LRMDA: variants seen among roughly 807,000 people sequenced by gnomAD.
LRMDA encodes the protein leucine-rich melanocyte differentiation-associated protein.
A neutral mutation model predicts 29.8 loss-of-function variants in LRMDA; 18 were observed. The ratio of observed to expected loss-of-function variants is 0.60; its 90% CI spans 0.42 to 0.90. The LOEUF is 0.90. LRMDA is among the 40% of genes least tolerant of loss of function. The pLI, the probability that LRMDA is intolerant of heterozygous loss-of-function variation, is 0.00. For synonymous variants in LRMDA, 125 were observed against 109.4 expected, an observed-to-expected ratio of 1.14 and a Z score of -0.89; for missense variants, 273 against 273.9, an observed-to-expected ratio of 1.00 and a Z score of 0.02.
intron 2 of LRMDA, among the ~76,000 whole-genome samples, chr10:75,694,623 G>A (rs907135881): frequency 1.3e-5 from 2 of 152,092 alleles, no homozygotes; most frequent in African/African-American, 4.8e-5. Context: ...AATCTCTCAG[G>A]TAGATTTTGC....
At chr10:76,200,481 G>A (rs929635419) in intron 5 of LRMDA, among the ~76,000 whole-genome samples, 4 of 152,014 alleles carry the variant, frequency 2.6e-5, no homozygotes, top group South Asian at 2.1e-4. Context: ...GCCATTCATC[G>A]ATCTAGTTGG....
intron 5 of LRMDA, among the ~76,000 whole-genome samples, chr10:76,281,984 G>A (rs556153494): frequency 2.8e-4 from 43 of 152,254 alleles, no homozygotes; most frequent in Admixed American, 3.9e-4. Flanking sequence ...CCTTTCTGGG[G>A]ACAGATTTGC....
chr10:76,134,750 A>C (rs1362801302), intron 5 of LRMDA, among the ~76,000 whole-genome samples: 1 of 152,196 alleles, frequency 6.6e-6, no homozygotes, highest in Non-Finnish European at 1.5e-5. Flanking sequence ...ATTAAGTTAG[A>C]AAACTTCAAC....
intron 2 of LRMDA, among the ~76,000 whole-genome samples, chr10:75,670,095 T>C (rs1841872510): frequency 6.6e-6 from 1 of 152,346 alleles, no homozygotes; most frequent in Admixed American, 6.5e-5. Flanking sequence ...ATAGAGTTGG[T>C]GTGATAGAAG....
chr10:76,326,659 G>T (rs1840836974), intron 6 of LRMDA, among the ~76,000 whole-genome samples: 1 of 152,208 alleles, frequency 6.6e-6, no homozygotes, highest in Non-Finnish European at 1.5e-5. Flanking sequence ...AAACTGGCGG[G>T]CAGTAGTTCA....
Position 76,036,150 on chromosome 10 carries a change from C to G in LRMDA, c.258+16C>G. On this transcript the variant is annotated intron_variant, in intron 3 of 6. Coordinates refer to ENST00000611255, the MANE Select transcript of LRMDA (RefSeq NM_001305581.2). ...CAAGAACCGAATATCCTTTCCTCTG[C>G]CCGCTGCCCCCACTCCCCACCCAGC... is the stretch of plus-strand genomic sequence containing the variant. 1 of 1,608,264 alleles carries G rather than the reference C, an allele frequency of 6.2e-7. No individual in the cohort carries two copies. Among genetic ancestry groups the G allele is most frequent in the Non-Finnish European group, 8.5e-7 (1 of 1,177,882 alleles).
intron 2 of LRMDA, among the ~76,000 whole-genome samples, chr10:76,019,022 G>A (rs1271967057): frequency 1.3e-5 from 2 of 152,254 alleles, no homozygotes; most frequent in East Asian, 1.9e-4. Flanking sequence ...ATCACAGTTT[G>A]CCCAGGACAG....
chr10:76,021,147 G>A (rs1847968327), intron 2 of LRMDA, among the ~76,000 whole-genome samples: 1 of 152,214 alleles, frequency 6.6e-6, no homozygotes, highest in African/African-American at 2.4e-5. Context: ...CAAATTCATG[G>A]ACCAGTGGTA....
intron 6 of LRMDA, among the ~76,000 whole-genome samples, chr10:76,354,893 C>A (rs116498791): frequency 2.0e-5 from 3 of 152,072 alleles, no homozygotes; most frequent in Non-Finnish European, 4.4e-5. Context: ...ATTGTGCTGT[C>A]GAACATGATG....
intron 2 of LRMDA, among the ~76,000 whole-genome samples, chr10:76,002,072 C>G (rs1281434652): frequency 6.6e-6 from 1 of 152,256 alleles, no homozygotes; most frequent in African/African-American, 2.4e-5. Flanking sequence ...GTTCTGGAGT[C>G]TGGAAGTCCA....
intron 5 of LRMDA, among the ~76,000 whole-genome samples, chr10:76,062,579 G>A (rs560137576): frequency 6.6e-6 from 1 of 151,710 alleles, no homozygotes; most frequent in Non-Finnish European, 1.5e-5. Flanking sequence ...AGCTCTGATT[G>A]TTGTAGAGAA....
At chr10:76,522,727 C>G (rs1268967212) in intron 6 of LRMDA, among the ~76,000 whole-genome samples, 1 of 152,128 alleles carries the variant, frequency 6.6e-6, no homozygotes. Flanking sequence ...CTAGGATGAT[C>G]CCCCGCCACC....
intron 5 of LRMDA, among the ~76,000 whole-genome samples, chr10:76,267,127 G>A (rs1253246841): frequency 6.6e-6 from 1 of 152,088 alleles, no homozygotes; most frequent in African/African-American, 2.4e-5. Context: ...CCACAGTTGA[G>A]ATGAATTTCC....
At chr10:76,386,277 A>G (rs1223892944) in intron 6 of LRMDA, among the ~76,000 whole-genome samples, 3 of 152,214 alleles carry the variant, frequency 2.0e-5, no homozygotes, top group Non-Finnish European at 4.4e-5. Flanking sequence ...TATTTATTAA[A>G]TGCATAAATG....
intron 5 of LRMDA, among the ~76,000 whole-genome samples, chr10:76,124,331 A>C (rs536639398): frequency 6.6e-6 from 1 of 152,204 alleles, no homozygotes; most frequent in Non-Finnish European, 1.5e-5. Context: ...CATCTGTGTC[A>C]GTGTTTTGAT....
chr10:75,701,884 A>G (rs1275344330), intron 2 of LRMDA, among the ~76,000 whole-genome samples: 1 of 151,964 alleles, frequency 6.6e-6, no homozygotes, highest in South Asian at 2.1e-4. Context: ...CCAGGCTACA[A>G]CCTCCCAACA....
chr10:76,003,121 C>T (rs1342160787), intron 2 of LRMDA, among the ~76,000 whole-genome samples: 1 of 152,132 alleles, frequency 6.6e-6, no homozygotes. Flanking sequence ...GGGGAAGGAA[C>T]AAATGCCCAG....
intron 6 of LRMDA, among the ~76,000 whole-genome samples, chr10:76,513,340 T>C (rs1843027029): frequency 6.6e-6 from 1 of 152,334 alleles, no homozygotes; most frequent in East Asian, 1.9e-4. Flanking sequence ...ATATTTTTAG[T>C]ACATTTTAGA....
At chr10:75,858,915 A>G (rs966674730) in intron 2 of LRMDA, among the ~76,000 whole-genome samples, 3 of 152,234 alleles carry the variant, frequency 2.0e-5, no homozygotes, top group African/African-American at 4.8e-5. Flanking sequence ...CTGTGAATTT[A>G]TATCCCTCTC....
Sources: allele counts gnomAD v4.1 joint callset (sites outside exome capture counted in the v4.1 genomes callset), GRCh38; gene constraint gnomAD v4.1.1; transcripts MANE v1.5; gene names NCBI Gene and HGNC (gene_info 2026-07-23, HGNC 2026-07-21).